The following AUTS2 variants were observed in gnomAD, a reference collection of about 807,000 sequenced individuals.
AUTS2 encodes the protein autism susceptibility gene 2 protein.
A neutral mutation model predicts 112.4 loss-of-function variants in AUTS2; 17 were observed. The observed-to-expected ratio is 0.15, with a 90% CI of 0.10 to 0.23. The LOEUF (loss-of-function observed/expected upper bound fraction) is 0.23, where lower values mean the gene tolerates loss of function less well. AUTS2 is among the 10% of genes least tolerant of loss of function. AUTS2 has a pLI of 1.00. For missense variants in AUTS2, 1,510 were observed against 1,701.6 expected (o/e 0.89, Z 1.98); for synonymous variants, 751 against 702.7 (o/e 1.07, Z -1.09).
intron 5 of AUTS2, among the ~76,000 whole-genome samples, chr7:70,602,671 C>A (rs1167383349): frequency 6.6e-6 from 1 of 152,150 alleles, no homozygotes; most frequent in Non-Finnish European, 1.5e-5. Context: ...CTTCCAGGAG[C>A]CCCTCTGTAA....
intron 4 of AUTS2, among the ~76,000 whole-genome samples, chr7:70,185,667 T>C (rs1562772446): frequency 6.6e-6 from 1 of 152,176 alleles, no homozygotes; most frequent in Non-Finnish European, 1.5e-5. Flanking sequence ...CTTTTGGAGA[T>C]CATATTATGA....
intron 2 of AUTS2, among the ~76,000 whole-genome samples, chr7:69,942,163 T>C (rs1796650695): frequency 6.6e-6 from 1 of 152,196 alleles, no homozygotes; most frequent in Non-Finnish European, 1.5e-5. Flanking sequence ...GTTGTTTTCT[T>C]TACTTGTTTA....
At chr7:70,151,206 G>A (rs1807419505) in intron 4 of AUTS2, among the ~76,000 whole-genome samples, 1 of 152,160 alleles carries the variant, frequency 6.6e-6, no homozygotes, top group Non-Finnish European at 1.5e-5. Flanking sequence ...GATCTTCAGA[G>A]GATTGCTTTC....
At chr7:70,562,142 G>T (rs1307144067) in intron 5 of AUTS2, among the ~76,000 whole-genome samples, 1 of 152,158 alleles carries the variant, frequency 6.6e-6, no homozygotes, top group Non-Finnish European at 1.5e-5. Context: ...CATAATTCTT[G>T]TACAAGCTGC....
intron 5 of AUTS2, among the ~76,000 whole-genome samples, chr7:70,664,020 A>G (rs1035981565): frequency 6.6e-6 from 1 of 152,160 alleles, no homozygotes; most frequent in Non-Finnish European, 1.5e-5. Context: ...GCAGAAATGA[A>G]ATTGTTGAGT....
At chr7:69,860,378 T>C (rs979169120) in intron 1 of AUTS2, among the ~76,000 whole-genome samples, 1 of 152,188 alleles carries the variant, frequency 6.6e-6, no homozygotes, top group African/African-American at 2.4e-5. Flanking sequence ...TAGAGAGGTA[T>C]AATTAACATA....
chr7:70,698,196 G>A (rs140808611), intron 5 of AUTS2, among the ~76,000 whole-genome samples: 4 of 152,192 alleles, frequency 2.6e-5, no homozygotes, highest in East Asian at 1.9e-4. Context: ...TTGAAAAATT[G>A]GCATGTCTGC....
intron 2 of AUTS2, among the ~76,000 whole-genome samples, chr7:69,987,139 A>T (rs899109136): frequency 2.6e-5 from 4 of 152,228 alleles, no homozygotes; most frequent in African/African-American, 4.8e-5. Flanking sequence ...CTGGATTAAG[A>T]CATTTCACAG....
chr7:70,234,074 A>G (rs1002197571), intron 4 of AUTS2, among the ~76,000 whole-genome samples: 9 of 152,226 alleles, frequency 5.9e-5, no homozygotes, highest in African/African-American at 1.9e-4. Flanking sequence ...TTTTATTGGT[A>G]TGAATTCTAA....
chr7:70,750,891 G>C (rs1585625019), intron 6 of AUTS2, among the ~76,000 whole-genome samples: 3 of 152,190 alleles, frequency 2.0e-5, no homozygotes, highest in African/African-American at 7.2e-5. Flanking sequence ...CTTCATCCTT[G>C]AGAAAATCAT....
At chr7:70,660,990 A>G (rs958384110) in intron 5 of AUTS2, among the ~76,000 whole-genome samples, 3 of 152,150 alleles carry the variant, frequency 2.0e-5, no homozygotes, top group Non-Finnish European at 4.4e-5. Flanking sequence ...GCTAGCCCTC[A>G]TGACACATGT....
chr7:69,954,476 C>T (rs1370073330), intron 2 of AUTS2, among the ~76,000 whole-genome samples: 1 of 152,110 alleles, frequency 6.6e-6, no homozygotes, highest in Non-Finnish European at 1.5e-5. Context: ...TGAAGTCTAG[C>T]TTTGTTGCCC....
intron 4 of AUTS2, among the ~76,000 whole-genome samples, chr7:70,300,868 G>T (rs1478798689): frequency 1.3e-5 from 2 of 152,206 alleles, no homozygotes; most frequent in Non-Finnish European, 2.9e-5. Flanking sequence ...AAATAAGTGA[G>T]ATGGTAAAGG....
rs1805623039 is a variant in AUTS2 at position 70,120,421 on chromosome 7, C to T, written c.624+2188C>T. ...GTAAGAATATGTTTTATTGTGTGTC[C>T]ATGTGTCTGATTAATTTTGTGATGG... On this transcript the variant is annotated intron_variant, in intron 3 of 18. Transcript: ENST00000342771. The T allele has an allele frequency of 2.0e-5, 3 of 151,778 alleles. No individual in the cohort carries two copies. In the South Asian group the frequency reaches 6.2e-4, roughly 32 times the overall value. The allele number at this position is 151,778 out of a possible 1,614,324, so 9.4% of individuals were successfully genotyped here. A position where few individuals can be genotyped will look rare whatever the true frequency, so the allele number is the denominator to read the frequency against.
chr7:70,612,865 C>G (rs1804166458), intron 5 of AUTS2, among the ~76,000 whole-genome samples: 1 of 151,924 alleles, frequency 6.6e-6, no homozygotes, highest in Admixed American at 6.6e-5. Context: ...ACCCTTGTGA[C>G]TCTGCCCTGG....
At chr7:69,869,614 T>C (rs1793392086) in intron 1 of AUTS2, among the ~76,000 whole-genome samples, 1 of 152,058 alleles carries the variant, frequency 6.6e-6, no homozygotes, top group Non-Finnish European at 1.5e-5. Flanking sequence ...TGTGGTATTC[T>C]TGGGGAATCT....
At chr7:69,607,505 C>CT (rs1411404853) in intron 1 of AUTS2, among the ~76,000 whole-genome samples, 1 of 152,172 alleles carries the variant, frequency 6.6e-6, no homozygotes, top group African/African-American at 2.4e-5. Flanking sequence ...TTGAGGAACT[C>CT]TAATTTAGCT....
intron 2 of AUTS2, among the ~76,000 whole-genome samples, chr7:69,916,043 G>A (rs1388526385): frequency 6.6e-6 from 1 of 152,204 alleles, no homozygotes; most frequent in Non-Finnish European, 1.5e-5. Context: ...TTAGACTTCA[G>A]ATTTATATAG....
rs10611601 is a variant in AUTS2, at chr7:70,579,244, TAAAA to T, written c.691-119310_691-119307del. On this transcript the variant is annotated intron_variant, in intron 5 of 18. Transcript: ENST00000342771. ...ATGCCCAGCCTTATATTCTCTTTTC[TAAAA>T]AAAAAAAAAAAAAAGATGAAGGGAG... Among the ~76,000 whole-genome samples, 34 of 55,896 alleles carry T rather than the reference TAAAA, an allele frequency of 6.1e-4. 4 individuals carry two copies. In the East Asian group the frequency reaches 6.5e-3, roughly 11 times the overall value. 36.7% of individuals were successfully genotyped at this position (55,896 alleles called of 152,430 possible). A position where few individuals can be genotyped will look rare whatever the true frequency, so the allele number is the denominator to read the frequency against.
Sources: gnomAD v4.1 joint callset for allele counts (sites outside exome capture counted in the v4.1 genomes callset) on GRCh38, gnomAD v4.1.1 for gene constraint, MANE v1.5 for transcripts, NCBI Gene and HGNC (gene_info 2026-07-23, HGNC 2026-07-21) for gene names.